Variants in HUWE1 observed in about 807,000 individuals in gnomAD.
HUWE1 encodes the protein E3 ubiquitin-protein ligase HUWE1.
In HUWE1, 18 loss-of-function variants were observed where a neutral mutation model predicts 299.4. The observed-to-expected ratio is 0.06, with a 90% CI of 0.04 to 0.09. The LOEUF (loss-of-function observed/expected upper bound fraction) is 0.09, where lower values mean the gene tolerates loss of function less well. Among genes scored for constraint, HUWE1 ranks in the 10% least tolerant of loss-of-function variants. HUWE1 has a pLI of 1.00. For synonymous variants in HUWE1, 1,317 were observed against 1,286.1 expected (o/e 1.02, Z -0.51); for missense variants, 1,832 against 3,462.3 (o/e 0.53, Z 11.82).
Position 53,592,401 on chromosome X carries a change from T to A in HUWE1, c.3969A>T (p.Gln1323His). The A allele has an allele frequency of 1.7e-6, 2 of 1,197,193 alleles. No individual in the cohort carries two copies. The highest frequency in any genetic ancestry group is 2.3e-6 in the Non-Finnish European group (2 of 883,255). Residue 1323 changes from glutamine to histidine, a missense_variant, in exon 33 of 84, where the codon CAA becomes CAT. Transcript: ENST00000262854. ...GAGTGTGAGGCCAGTACCCTACCTG[T>A]TGCAGTTGTTGCTGGTTGACTTGAG... The part of the protein sequence containing the change: ...REPQVNQQQL[Q>H]QLMDMGFTRE...
At chrX:53,638,973 C>CA (rs782198807) in intron 7 of HUWE1, among the ~76,000 whole-genome samples, 1 of 112,151 alleles carries the variant, frequency 8.9e-6, no homozygotes, top group South Asian at 3.7e-4. Flanking sequence ...ACACCATATC[C>CA]AAAGTCACTT....
intron 40 of HUWE1, 43 bp downstream of exon 40, chrX:53,584,969 C>T: frequency 8.3e-7 from 1 of 1,197,658 alleles, no homozygotes; most frequent in Non-Finnish European, 1.1e-6. Flanking sequence ...CATATGTGGC[C>T]TGTGGTCCAC....
Position 53,575,688 on chromosome X carries a change from C to T in HUWE1, c.5985G>A (p.Thr1995=), listed in dbSNP as rs782666411. 3.6e-5 allele frequency: 43 copies of T among 1,209,648 alleles called. No homozygotes were observed. Among genetic ancestry groups the T allele is most frequent in the South Asian group, 5.3e-5 (3 of 56,810 alleles). The change falls in exon 45 of 84, where the codon ACG becomes ACA. Residue 1995 remains threonine, a synonymous_variant. Coordinates refer to ENST00000262854, the MANE Select transcript of HUWE1 (RefSeq NM_031407.7). The stretch of plus-strand genomic sequence containing the variant: ...GCGTATCAAAGTCACTGCTCTGACG[C>T]GTAAGTGACCGGTACTGCTGGTATA... ...DDVYQQYRSL[T]RQSSDFDTQS...
intron 42 of HUWE1, among the ~76,000 whole-genome samples, chrX:53,581,551 A>G (rs1210234709): frequency 8.9e-6 from 1 of 112,586 alleles, no homozygotes; most frequent in East Asian, 2.8e-4. Context: ...ATTGCTTGTT[A>G]ATAATGGAAA....
Position 53,546,518 on chromosome X carries a change from C to A in HUWE1, c.10833G>T (p.Gly3611=), listed in dbSNP as rs1320978583. Reference sequence around the variant, plus strand: ...GAACAGTGTCCCGGGTCCCAGAGTCCCCCCGGGAGAGCTGCAGTAGTACGT... The same window carrying A: ...GAACAGTGTCCCGGGTCCCAGAGTCACCCCGGGAGAGCTGCAGTAGTACGT... ...AANVLLQLSR[G]DSGTRDTVLK... is the part of the protein sequence containing the mutation. The change falls in exon 70 of 84, where the codon GGG becomes GGT. Residue 3611 remains glycine (G), a synonymous_variant. Transcript: ENST00000262854. The A allele has an allele frequency of 8.3e-7, 1 of 1,206,059 alleles. No homozygotes were observed. Among genetic ancestry groups the A allele is most frequent in the Non-Finnish European group, 1.1e-6 (1 of 892,323 alleles).
At chrX:53,604,527 T>C in intron 26 of HUWE1, 62 bp downstream of exon 26, 3 of 1,134,851 alleles carry the variant, frequency 2.6e-6, no homozygotes, top group Non-Finnish European at 3.6e-6. Context: ...CCCTGCTAGG[T>C]GTATGCCCTA....
chrX:53,668,421 G>A (rs782812719), intron 3 of HUWE1, among the ~76,000 whole-genome samples: 76 of 96,481 alleles, frequency 7.9e-4, no homozygotes, highest in Middle Eastern at 5.7e-3. Flanking sequence ...CAGCCTGAGT[G>A]ACAAAGTAAG....
intron 62 of HUWE1, 21 bp from the exon 63 acceptor site, chrX:53,552,462 G>A (rs782385373): frequency 7.5e-6 from 9 of 1,207,793 alleles, no homozygotes; most frequent in African/African-American, 1.8e-5. Flanking sequence ...TCATGCTCAG[G>A]TTGCTGTCTG....
intron 46 of HUWE1, 29 bp from the exon 47 acceptor site, chrX:53,573,993 AT>A (rs781903579): frequency 2.0e-5 from 23 of 1,131,149 alleles, no homozygotes; most frequent in Middle Eastern, 3.2e-4. Context: ...CACTGGTTCA[AT>A]TCCACACTGG....
intron 3 of HUWE1, among the ~76,000 whole-genome samples, chrX:53,662,772 C>T (rs2069067654): frequency 9.0e-6 from 1 of 111,597 alleles, no homozygotes; most frequent in Non-Finnish European, 1.9e-5. Flanking sequence ...GGAGGAGGCC[C>T]GCAACTGAGT....
At position 53,617,453 on chromosome X, in the gene HUWE1, AAAGAT is replaced by A. The variant is rs2065863822; in HGVS notation, c.1673-12_1673-8del. ...ACAGTCACCACTTCAGTAGCTAAAAAAAGATGAGAAAATATGGAAAACTGAGAGAT... is the reference window on the plus strand; with the variant it reads ...ACAGTCACCACTTCAGTAGCTAAAAAGAGAAAATATGGAAAACTGAGAGAT... On this transcript the variant is annotated splice_polypyrimidine_tract_variant and splice_region_variant and intron_variant, in intron 19 of 83. Transcript: ENST00000262854. 9.4e-7 allele frequency: 1 copy of A among 1,061,198 alleles called. No homozygotes were observed. The highest frequency in any genetic ancestry group is 1.8e-5 in the African/African-American group (1 of 54,507). 87.5% of individuals were successfully genotyped at this position (1,061,198 alleles called of 1,213,427 possible). A position where few individuals can be genotyped will look rare whatever the true frequency, so the allele number is the denominator to read the frequency against.
chrX:53,543,124 C>T (rs944523955), intron 73 of HUWE1, among the ~76,000 whole-genome samples: 3 of 110,800 alleles, frequency 2.7e-5, no homozygotes, highest in Non-Finnish European at 5.7e-5. Flanking sequence ...AGGCTTTTCC[C>T]TGCCTACTCA....
chrX:53,612,818 A>G (rs2065567857), intron 23 of HUWE1, among the ~76,000 whole-genome samples: 1 of 111,851 alleles, frequency 8.9e-6, no homozygotes, highest in Non-Finnish European at 1.9e-5. Context: ...GATAGAACAC[A>G]GTGATACATG....
Position 53,562,174 on chromosome X carries a change from G to A in HUWE1, c.7275C>T (p.Asn2425=), listed in dbSNP as rs782744911. The A allele has an allele frequency of 1.7e-6, 2 of 1,186,132 alleles. No individual in the cohort carries two copies. Among genetic ancestry groups the A allele is most frequent in the Non-Finnish European group, 2.3e-6 (2 of 872,595 alleles). The change falls in exon 54 of 84, where the codon AAC becomes AAT. Residue 2425 remains asparagine, a synonymous_variant. Coordinates refer to ENST00000262854, the MANE Select transcript of HUWE1 (RefSeq NM_031407.7). ...HTQEEDSSGS[N]EDEDDSQDEE... is the part of the protein sequence containing the mutation. ...CATCCTGACTATCATCCTCATCCTC[G>A]TTACTGCCACTGCTGTCCTCTTCCT...
chrX:53,573,779 T>C lies in HUWE1; in HGVS notation c.6283A>G (p.Thr2095Ala). The C allele has an allele frequency of 3.3e-6, 4 of 1,210,294 alleles. No individual in the cohort carries two copies. Among genetic ancestry groups the C allele is most frequent in the Non-Finnish European group, 2.2e-6 (2 of 893,943 alleles). Residue 2095 changes from threonine (T) to alanine (A), a missense_variant, in exon 47 of 84, where the codon ACT becomes GCT. Around this residue, in one of 15 missense-constraint regions of HUWE1, gnomAD observed 157 missense variants for 252.3 expected, o/e 0.62. Transcript: ENST00000262854. Reference sequence around the variant, plus strand: ...TTGATCAGTTCAGACTGGCCCACAGTGTAGCTGTAGTTGGCAATCAGGGTA... The same window carrying C: ...TTGATCAGTTCAGACTGGCCCACAGCGTAGCTGTAGTTGGCAATCAGGGTA... ...IATLIANYSY[T>A]VGQSELIKED...
chrX:53,674,638 ACT>A (rs782715502), intron 3 of HUWE1, among the ~76,000 whole-genome samples: 3 of 111,493 alleles, frequency 2.7e-5, no homozygotes, highest in African/African-American at 6.5e-5. Context: ...CCCTAACAAA[ACT>A]CTGTGACATT....
chrX:53,584,434 C>T, intron 40 of HUWE1, 89 bp from the exon 41 acceptor site: 1 of 777,009 alleles, frequency 1.3e-6, no homozygotes, highest in Non-Finnish European at 1.9e-6. Context: ...AGGTAAAATG[C>T]TACAACAGGA....
Position 53,584,228 on chromosome X carries a change from T to G in HUWE1, c.5119A>C (p.Ser1707Arg). ...TTACGTTTGATATCCATTTCTTTGCTTTCTTCCAGCGTCTTCTCTAGTTCC... is the reference window on the plus strand; with the variant it reads ...TTACGTTTGATATCCATTTCTTTGCGTTCTTCCAGCGTCTTCTCTAGTTCC... ...GQELEKTLEE[S>R]KEMDIKRKEN... Residue 1707 changes from serine (S) to arginine (R), a missense_variant, in exon 41 of 84, where the codon AGC (serine) becomes CGC (arginine). Ser to Arg is a moderately radical substitution (Grantham distance 110). This residue lies in a region of HUWE1 where 46 missense variants were observed against 42.6 expected (regional missense o/e 1.08). Coordinates refer to ENST00000262854, the MANE Select transcript of HUWE1 (RefSeq NM_031407.7). 1.7e-6 allele frequency: 2 copies of G among 1,209,875 alleles called. No homozygotes were observed. Among genetic ancestry groups the G allele is most frequent in the Non-Finnish European group, 2.2e-6 (2 of 893,696 alleles).
chrX:53,673,073 T>C (rs181505272), intron 3 of HUWE1, among the ~76,000 whole-genome samples: 6 of 112,364 alleles, frequency 5.3e-5, no homozygotes, highest in African/African-American at 1.6e-4. Context: ...CAAAGCATTC[T>C]TACTAAAATC....
Sources: allele counts gnomAD v4.1 joint callset (sites outside exome capture counted in the v4.1 genomes callset), GRCh38; gene constraint gnomAD v4.1.1; regional missense constraint gnomAD v4.1.1; transcripts MANE v1.5; gene names NCBI Gene and HGNC (gene_info 2026-07-23, HGNC 2026-07-21).